Variants in GPC6 observed in about 807,000 individuals in gnomAD.
GPC6 encodes glypican 6, also known as glypican-6.
A neutral mutation model predicts 55.2 loss-of-function variants in GPC6; 14 were observed. That is an observed-to-expected ratio of 0.25 (90% confidence interval 0.17 to 0.40). The LOEUF is 0.40. Among genes scored for constraint, GPC6 ranks in the 10% least tolerant of loss-of-function variants. The probability of loss-of-function intolerance (pLI) is 1.00; values close to 1 mark genes in which losing one functional copy is unlikely to be tolerated. For missense variants in GPC6, 641 were observed against 708.5 expected (o/e 0.90, Z 1.08); for synonymous variants, 278 against 259.6 (o/e 1.07, Z -0.68).
At chr13:93,895,234 G>GTGTGTGTGTGTGTGTGTGTA (rs1196315147) in intron 3 of GPC6, among the ~76,000 whole-genome samples, 6 of 108,208 alleles carry the variant, frequency 5.5e-5, no homozygotes, top group African/African-American at 1.8e-4. Context: ...GTGTGTGTGT[G>GTGTGTGTGTGTGTGTGTGTA]TATATATATA....
intron 6 of GPC6, among the ~76,000 whole-genome samples, chr13:94,328,092 C>T (rs1008972344): frequency 6.6e-6 from 1 of 152,162 alleles, no homozygotes; most frequent in Non-Finnish European, 1.5e-5. Flanking sequence ...TTCCTCTGCA[C>T]ATTAGACCAG....
chr13:93,275,965 C>T (rs1365196466), intron 1 of GPC6, among the ~76,000 whole-genome samples: 1 of 152,102 alleles, frequency 6.6e-6, no homozygotes, highest in Non-Finnish European at 1.5e-5. Flanking sequence ...AGCTCTGCCT[C>T]CCGGGTTCAC....
At chr13:93,597,023 A>G (rs867291926) in intron 2 of GPC6, among the ~76,000 whole-genome samples, 1 of 148,196 alleles carries the variant, frequency 6.7e-6, no homozygotes, top group South Asian at 2.1e-4. Flanking sequence ...AAAAAAAAAA[A>G]AAAAAAAGAA....
intron 3 of GPC6, among the ~76,000 whole-genome samples, chr13:93,883,441 A>AT (rs975680164): frequency 3.2e-4 from 48 of 151,948 alleles, no homozygotes; most frequent in South Asian, 1.0e-3. Flanking sequence ...GCCAACATCT[A>AT]TTTTTTTTAT....
intron 2 of GPC6, among the ~76,000 whole-genome samples, chr13:93,603,409 T>C (rs879287821): frequency 3.9e-5 from 6 of 152,240 alleles, no homozygotes; most frequent in Admixed American, 1.3e-4. Flanking sequence ...TTGTTTTAAG[T>C]ATTTGGTGCT....
At chr13:93,789,482 ACTCTCTCT>A (rs766627327) in intron 2 of GPC6, among the ~76,000 whole-genome samples, 5 of 59,606 alleles carry the variant, frequency 8.4e-5, no homozygotes, top group South Asian at 5.9e-4. Flanking sequence ...ATGTGAGTGA[ACTCTCTCT>A]CTCTCTCTCT....
intron 1 of GPC6, among the ~76,000 whole-genome samples, chr13:93,516,077 G>T (rs1416561924): frequency 6.6e-6 from 1 of 152,102 alleles, no homozygotes; most frequent in East Asian, 1.9e-4. Flanking sequence ...TCAGAACTCT[G>T]TTACTGTAGA....
intron 3 of GPC6, among the ~76,000 whole-genome samples, chr13:93,897,957 T>C (rs1012878689): frequency 2.0e-5 from 3 of 152,176 alleles, no homozygotes; most frequent in Non-Finnish European, 4.4e-5. Flanking sequence ...AACTTTAGTA[T>C]ATTTTTCACA....
At chr13:93,836,675 T>A (rs1214657729) in intron 3 of GPC6, among the ~76,000 whole-genome samples, 1 of 152,192 alleles carries the variant, frequency 6.6e-6, no homozygotes, top group East Asian at 1.9e-4. Context: ...ACTGCTGTCT[T>A]ATGATGGTAT....
At chr13:94,355,718 C>G (rs1012453123) in intron 6 of GPC6, among the ~76,000 whole-genome samples, 4 of 152,108 alleles carry the variant, frequency 2.6e-5, no homozygotes, top group Non-Finnish European at 4.4e-5. Context: ...TCCAGTCCCC[C>G]CCTCCACTTT....
intron 4 of GPC6, among the ~76,000 whole-genome samples, chr13:94,093,206 T>A (rs953093779): frequency 7.9e-5 from 12 of 152,048 alleles, no homozygotes; most frequent in Non-Finnish European, 4.4e-5. Context: ...TGTCAAAAAA[T>A]TTTTTTCCTC....
At chr13:93,932,773 T>C (rs186214577) in intron 3 of GPC6, among the ~76,000 whole-genome samples, 70 of 152,208 alleles carry the variant, frequency 4.6e-4, no homozygotes, top group Non-Finnish European at 8.5e-4. Flanking sequence ...GAATCAGAAA[T>C]CCTGACAGAA....
intron 2 of GPC6, 148 bp from the exon 3 acceptor site, chr13:93,830,006 A>G: frequency 1.7e-6 from 1 of 577,612 alleles, no homozygotes; most frequent in African/African-American, 1.9e-5. Flanking sequence ...CATTTAAAAT[A>G]TGTTTTTTAT....
intron 4 of GPC6, among the ~76,000 whole-genome samples, chr13:94,284,915 G>A (rs1892487978): frequency 6.6e-6 from 1 of 150,526 alleles, no homozygotes; most frequent in African/African-American, 2.4e-5. Flanking sequence ...AAATTTTTAA[G>A]TTTGCAAAAG....
At chr13:93,404,645 T>C (rs1353317098) in intron 1 of GPC6, among the ~76,000 whole-genome samples, 1 of 152,168 alleles carries the variant, frequency 6.6e-6, no homozygotes, top group Non-Finnish European at 1.5e-5. Context: ...ACCACTGCAA[T>C]GATTAAACAT....
intron 1 of GPC6, among the ~76,000 whole-genome samples, chr13:93,484,788 A>G (rs911814226): frequency 6.6e-5 from 10 of 152,164 alleles, no homozygotes; most frequent in African/African-American, 1.4e-4. Flanking sequence ...GAATTTGTCA[A>G]TTCTGTGTTA....
chr13:93,805,548 TAAG>T (rs769177650), intron 2 of GPC6, among the ~76,000 whole-genome samples: 31 of 152,218 alleles, frequency 2.0e-4, no homozygotes, highest in Non-Finnish European at 3.8e-4. Flanking sequence ...TACATTTTAA[TAAG>T]AGGTTACTAC....
intron 4 of GPC6, among the ~76,000 whole-genome samples, chr13:94,278,393 T>G (rs1305308805): frequency 6.6e-6 from 1 of 152,204 alleles, no homozygotes; most frequent in East Asian, 1.9e-4. Context: ...CAGAGACAAT[T>G]TGACTTCCTC....
intron 3 of GPC6, among the ~76,000 whole-genome samples, chr13:93,871,720 C>T (rs779688369): frequency 6.6e-6 from 1 of 151,922 alleles, no homozygotes; most frequent in Non-Finnish European, 1.5e-5. Flanking sequence ...CTTGTAGAGA[C>T]TACTGGTTTT....
Sources: gnomAD v4.1 joint callset for allele counts (sites outside exome capture counted in the v4.1 genomes callset) on GRCh38, gnomAD v4.1.1 for gene constraint, MANE v1.5 for transcripts, NCBI Gene and HGNC (gene_info 2026-07-23, HGNC 2026-07-21) for gene names.